The following SYT17 variants were observed in gnomAD, a reference collection of about 807,000 sequenced individuals.
The protein encoded by SYT17 is synaptotagmin 17.
In SYT17, 22 loss-of-function variants were observed where a neutral mutation model predicts 46.7. That is an observed-to-expected ratio of 0.47 (90% confidence interval 0.34 to 0.67). The LOEUF is 0.67. SYT17 is among the 30% of genes least tolerant of loss of function. The pLI is 0.01. For synonymous variants in SYT17, 251 were observed against 248.4 expected (o/e 1.01, Z -0.10); for missense variants, 519 against 612.8 (o/e 0.85, Z 1.62).
At chr16:19,236,083 C>A (rs975374443) in intron 7 of SYT17, among the ~76,000 whole-genome samples, 8 of 152,146 alleles carry the variant, frequency 5.3e-5, no homozygotes, top group Admixed American at 3.9e-4. Context: ...GAGTTCCTTA[C>A]CAGATTGCTG....
intron 3 of SYT17, among the ~76,000 whole-genome samples, chr16:19,174,365 A>T (rs1031766357): frequency 6.6e-5 from 10 of 152,306 alleles, no homozygotes; most frequent in East Asian, 1.9e-4. Flanking sequence ...GGAAGGATCA[A>T]GAAGTCATCA....
rs1029155535 is a variant in SYT17 at position 19,219,570 on chromosome 16, G to A, written c.952-3475G>A. 7.9e-5 allele frequency among the ~76,000 whole-genome samples: 12 copies of A among 152,250 alleles called. No individual in the cohort carries two copies. In the East Asian group the frequency reaches 1.7e-3, roughly 22 times the overall value. ...CCCTTTCAATCAACTGCATTGAGGC[G>A]GAACTTACTGTTTGTTGATTTTTGG... On this transcript the variant is annotated intron_variant, in intron 5 of 7. Coordinates refer to ENST00000355377, the MANE Select transcript of SYT17 (RefSeq NM_016524.4).
intron 5 of SYT17, among the ~76,000 whole-genome samples, chr16:19,214,951 C>T (rs952606416): frequency 1.3e-5 from 2 of 152,216 alleles, no homozygotes; most frequent in Non-Finnish European, 2.9e-5. Flanking sequence ...CCACACACAG[C>T]TACTTTTTGT....
intron 7 of SYT17, among the ~76,000 whole-genome samples, chr16:19,236,621 A>G (rs1966852070): frequency 6.6e-6 from 1 of 152,202 alleles, no homozygotes; most frequent in Non-Finnish European, 1.5e-5. Flanking sequence ...GTTTTATTAC[A>G]GCAAAAGGGT....
chr16:19,172,309 G>T, intron 1 of SYT17: 10 of 1,311,236 alleles, frequency 7.6e-6, no homozygotes, highest in Non-Finnish European at 9.6e-6. Context: ...GGGCCTCCGG[G>T]AGGGCGGGGG....
intron 6 of SYT17, among the ~76,000 whole-genome samples, chr16:19,224,404 C>G (rs558463598): frequency 6.6e-6 from 1 of 152,110 alleles, no homozygotes; most frequent in Admixed American, 6.5e-5. Context: ...GATGGTTGAA[C>G]TGTCAAATAG....
chr16:19,258,924 A>G (rs1187344403), intron 7 of SYT17, among the ~76,000 whole-genome samples: 1 of 152,204 alleles, frequency 6.6e-6, no homozygotes, highest in Non-Finnish European at 1.5e-5. Flanking sequence ...GGCTCCTTCA[A>G]AGCCTGATCT....
intron 5 of SYT17, 46 bp downstream of exon 5, chr16:19,184,193 A>C: frequency 6.5e-7 from 1 of 1,541,166 alleles, no homozygotes; most frequent in Non-Finnish European, 8.7e-7. Context: ...CTTTTTTAAA[A>C]AGTGATTATT....
At chr16:19,205,624 TAAAGATAC>T (rs375682572) in intron 5 of SYT17, among the ~76,000 whole-genome samples, 146 of 152,212 alleles carry the variant, frequency 9.6e-4, no homozygotes, top group African/African-American at 2.6e-3. Flanking sequence ...ATCTTTGGTA[TAAAGATAC>T]AAAGATACAA....
intron 7 of SYT17, among the ~76,000 whole-genome samples, chr16:19,246,683 T>G (rs1397957201): frequency 6.6e-6 from 1 of 152,220 alleles, no homozygotes; most frequent in Non-Finnish European, 1.5e-5. Context: ...CTCTACTCTC[T>G]TTTGTTAGCA....
intron 7 of SYT17, among the ~76,000 whole-genome samples, chr16:19,239,938 T>G (rs1355849081): frequency 6.6e-6 from 1 of 152,210 alleles, no homozygotes; most frequent in African/African-American, 2.4e-5. Flanking sequence ...GGTGCCAGCA[T>G]GGGTGCCGGC....
At chr16:19,224,451 A>C (rs562409113) in intron 6 of SYT17, among the ~76,000 whole-genome samples, 2 of 152,182 alleles carry the variant, frequency 1.3e-5, no homozygotes, top group Non-Finnish European at 2.9e-5. Flanking sequence ...GATAGATAAA[A>C]GTATGGTGAG....
At chr16:19,211,914 C>T (rs146297660) in intron 5 of SYT17, among the ~76,000 whole-genome samples, 59 of 152,246 alleles carry the variant, frequency 3.9e-4, no homozygotes, top group South Asian at 1.7e-3. Flanking sequence ...GTGTGAGCCA[C>T]CGTGCCTGGC....
intron 7 of SYT17, among the ~76,000 whole-genome samples, chr16:19,256,548 G>T (rs1039004263): frequency 7.3e-6 from 1 of 137,382 alleles, no homozygotes; most frequent in Non-Finnish European, 1.6e-5. Context: ...AGTAGGAAAT[G>T]GGTGAGTCTA....
At chr16:19,258,672 A>G (rs914199190) in intron 7 of SYT17, among the ~76,000 whole-genome samples, 6 of 152,156 alleles carry the variant, frequency 3.9e-5, no homozygotes, top group African/African-American at 1.2e-4. Context: ...TAACAGAAAC[A>G]GGGGAGATGG....
At chr16:19,225,360 G>A (rs1966464604) in intron 7 of SYT17, among the ~76,000 whole-genome samples, 1 of 152,160 alleles carries the variant, frequency 6.6e-6, no homozygotes, top group Non-Finnish European at 1.5e-5. Flanking sequence ...TAGTATTTAA[G>A]TAGAGGCTTC....
chr16:19,221,237 A>G (rs1226568298), intron 5 of SYT17, among the ~76,000 whole-genome samples: 1 of 151,706 alleles, frequency 6.6e-6, no homozygotes, highest in Non-Finnish European at 1.5e-5. Flanking sequence ...AATCTGACCA[A>G]ACTGACTTAG....
intron 7 of SYT17, among the ~76,000 whole-genome samples, chr16:19,230,995 C>CATAA (rs1234042441): frequency 1.3e-5 from 2 of 152,118 alleles, no homozygotes; most frequent in Non-Finnish European, 2.9e-5. Flanking sequence ...CATATATATA[C>CATAA]ATAAATAAAT....
chr16:19,244,503 A>T (rs4993857), intron 7 of SYT17, among the ~76,000 whole-genome samples: 5,129 of 151,852 alleles, frequency 0.034, 306 homozygotes, highest in African/African-American at 0.12. Flanking sequence ...CTGCCATTTT[A>T]AAAAATTTTT....
Sources: allele counts gnomAD v4.1 joint callset (sites outside exome capture counted in the v4.1 genomes callset), GRCh38; gene constraint gnomAD v4.1.1; transcripts MANE v1.5; gene names NCBI Gene and HGNC (gene_info 2026-07-23, HGNC 2026-07-21).